The following SRPK1 variants were observed in gnomAD, a reference collection of about 807,000 sequenced individuals.
SRPK1 encodes SRSF protein kinase 1.
SRPK1 carries 52 observed loss-of-function variants against 89.5 expected under a neutral mutation model. The ratio of observed to expected loss-of-function variants is 0.58; its 90% confidence interval spans 0.46 to 0.73. The LOEUF is 0.73. SRPK1 is among the 30% of genes least tolerant of loss of function. The pLI, the probability that SRPK1 is intolerant of heterozygous loss-of-function variation, is 0.00. For missense variants in SRPK1, 603 were observed against 780.6 expected (o/e 0.77, Z 2.71); for synonymous variants, 255 against 270.2 (o/e 0.94, Z 0.55).
intron 2 of SRPK1, among the ~76,000 whole-genome samples, chr6:35,914,698 T>A (rs1771050576): frequency 6.6e-6 from 1 of 152,226 alleles, no homozygotes; most frequent in Non-Finnish European, 1.5e-5. Flanking sequence ...GGGACAGGAA[T>A]GTTTTTCTTT....
chr6:35,899,896 G>A (rs542158942), intron 2 of SRPK1, among the ~76,000 whole-genome samples: 32 of 152,002 alleles, frequency 2.1e-4, no homozygotes, highest in African/African-American at 7.7e-4. Flanking sequence ...AGCAACTCGG[G>A]AGGCTGAGGT....
chr6:35,854,070 C>T (rs1769616169), intron 13 of SRPK1, among the ~76,000 whole-genome samples: 2 of 152,044 alleles, frequency 1.3e-5, no homozygotes, highest in South Asian at 4.1e-4. Context: ...TGTGTCTCAG[C>T]CTCCTGAGTA....
chr6:35,865,749 G>T (rs1303501346), intron 12 of SRPK1, among the ~76,000 whole-genome samples: 1 of 152,032 alleles, frequency 6.6e-6, no homozygotes, highest in East Asian at 1.9e-4. Context: ...ATATGCAGAC[G>T]AATAAAAGAT....
At chr6:35,892,693 A>C (rs1471979661) in intron 2 of SRPK1, among the ~76,000 whole-genome samples, 3 of 69,100 alleles carry the variant, frequency 4.3e-5, no homozygotes, top group African/African-American at 1.5e-4. Flanking sequence ...CAACAACGAC[A>C]ACAACACAAA....
chr6:35,835,573 A>G, intron 15 of SRPK1, 85 bp from the exon 16 acceptor site: 1 of 1,282,924 alleles, frequency 7.8e-7, no homozygotes, highest in Non-Finnish European at 1.1e-6. Flanking sequence ...AAACTAACCC[A>G]TGTAGTCTAT....
intron 2 of SRPK1, among the ~76,000 whole-genome samples, chr6:35,900,781 G>A (rs1770725054): frequency 6.6e-6 from 1 of 152,200 alleles, no homozygotes; most frequent in African/African-American, 2.4e-5. Context: ...GGTGGTTTCA[G>A]AAAATGGAAA....
At chr6:35,882,485 A>AT (rs1034010908) in intron 6 of SRPK1, among the ~76,000 whole-genome samples, 7 of 151,268 alleles carry the variant, frequency 4.6e-5, no homozygotes, top group African/African-American at 1.7e-4. Context: ...CCTGGCTAGT[A>AT]TTTTTTTATT....
intron 13 of SRPK1, among the ~76,000 whole-genome samples, chr6:35,854,190 A>G (rs1769618710): frequency 6.6e-6 from 1 of 152,208 alleles, no homozygotes; most frequent in South Asian, 2.1e-4. Context: ...GCCTCAAGTA[A>G]TCTGCCTGCC....
intron 11 of SRPK1, 150 bp downstream of exon 11, chr6:35,869,332 A>G (rs1769980367): frequency 9.7e-7 from 1 of 1,028,372 alleles, no homozygotes; most frequent in South Asian, 1.6e-5. Flanking sequence ...TACATGATGG[A>G]TAAAGTTAGC....
chr6:35,883,163 A>G (rs892803396), intron 6 of SRPK1, among the ~76,000 whole-genome samples: 18 of 152,144 alleles, frequency 1.2e-4, no homozygotes, highest in Non-Finnish European at 4.4e-5. Flanking sequence ...TCATGCCTTC[A>G]ATCCCAGCAC....
chr6:35,862,409 T>C (rs1769799802), intron 12 of SRPK1, among the ~76,000 whole-genome samples: 1 of 152,144 alleles, frequency 6.6e-6, no homozygotes, highest in East Asian at 1.9e-4. Flanking sequence ...CCCCTGACCC[T>C]GTGTACTGCC....
chr6:35,918,325 A>ACT (rs1194491123), intron 2 of SRPK1, among the ~76,000 whole-genome samples: 4 of 151,758 alleles, frequency 2.6e-5, no homozygotes, highest in Admixed American at 6.6e-5. Context: ...ACATGGCGAA[A>ACT]CTCTCTCTCT....
At chr6:35,909,586 C>A (rs1256831697) in intron 2 of SRPK1, among the ~76,000 whole-genome samples, 1 of 152,108 alleles carries the variant, frequency 6.6e-6, no homozygotes, top group Non-Finnish European at 1.5e-5. Context: ...CTGGGAGGGG[C>A]CAAGAGTGAA....
rs146589565 is a variant in SRPK1, at chr6:35,877,040, G to C, written c.479-2701C>G. ...GATTCAGCAAAGCACATGTGTGTGAGGAAACTAGCAGAGGCAGAGAAGAAA... is the reference window on the plus strand; with the variant it reads ...GATTCAGCAAAGCACATGTGTGTGACGAAACTAGCAGAGGCAGAGAAGAAA... On this transcript the variant is annotated intron_variant, in intron 6 of 15. Coordinates refer to ENST00000373825, the MANE Select transcript of SRPK1 (RefSeq NM_003137.5). Among the ~76,000 whole-genome samples, 477 of 152,314 alleles carry C rather than the reference G, an allele frequency of 3.1e-3. 3 individuals are homozygous for C. The highest frequency in any genetic ancestry group is 0.017 in the Middle Eastern group (5 of 294).
chr6:35,893,799 C>T (rs979182259), intron 2 of SRPK1, among the ~76,000 whole-genome samples: 4 of 151,878 alleles, frequency 2.6e-5, no homozygotes, highest in African/African-American at 9.7e-5. Context: ...GAGGCCGAGG[C>T]CAGGAGTTCA....
chr6:35,920,607 G>C (rs901955593), intron 1 of SRPK1, 79 bp from the exon 2 acceptor site: 2 of 1,329,892 alleles, frequency 1.5e-6, no homozygotes, highest in Middle Eastern at 2.8e-4. Flanking sequence ...CCCAGCAGGG[G>C]CGCCAGGCCC....
In SRPK1 at chr6:35,872,586, G is replaced by A. The variant is rs1770056075; in HGVS notation, c.728C>T (p.Ala243Val). The part of the protein sequence containing the change: ...AEATEWQRSG[A>V]PPPSGSAVST... ...ACCTGCAGATCCGGAAGGCGGAGGA[G>A]CTCCAGATCGCTGCCATTCTGTTGC... is the stretch of plus-strand genomic sequence containing the variant. Residue 243 changes from alanine to valine, a missense_variant, in exon 8 of 16, where the codon GCT becomes GTT. Physicochemically the swap from Ala to Val is moderately conservative, Grantham distance 64. Transcript: ENST00000373825. The A allele has an allele frequency of 6.2e-7, 1 of 1,608,892 alleles. No homozygotes were observed. Among genetic ancestry groups the A allele is most frequent in the Non-Finnish European group, 8.5e-7 (1 of 1,177,956 alleles).
At chr6:35,887,909 G>A (rs1393601914) in intron 5 of SRPK1, 115 bp downstream of exon 5, 22 of 694,746 alleles carry the variant, frequency 3.2e-5, no homozygotes, top group Middle Eastern at 4.2e-4. Context: ...AAGGTTACTA[G>A]AACTTTATAG....
At chr6:35,844,692 T>C (rs1769389940) in intron 13 of SRPK1, among the ~76,000 whole-genome samples, 1 of 152,178 alleles carries the variant, frequency 6.6e-6, no homozygotes, top group East Asian at 1.9e-4. Context: ...ACCACAGTGA[T>C]AGAGCAGATA....
Sources: allele counts gnomAD v4.1 joint callset (sites outside exome capture counted in the v4.1 genomes callset), GRCh38; gene constraint gnomAD v4.1.1; transcripts MANE v1.5; gene names NCBI Gene and HGNC (gene_info 2026-07-23, HGNC 2026-07-21).